Variants in R3HDM2 observed in about 807,000 individuals in gnomAD.
R3HDM2 encodes R3H domain-containing protein 2.
Under a neutral mutation model 124.5 loss-of-function variants are expected in R3HDM2, and 38 were observed. That is an observed-to-expected ratio of 0.31 (90% CI 0.24 to 0.40). The LOEUF (loss-of-function observed/expected upper bound fraction) is 0.40, where lower values mean the gene tolerates loss of function less well. Among genes scored for constraint, R3HDM2 ranks in the 10% least tolerant of loss-of-function variants. The pLI is 1.00. For missense variants in R3HDM2, 869 were observed against 1,236.9 expected, an observed-to-expected ratio of 0.70 and a Z score of 4.46; for synonymous variants, 391 against 448.0, an observed-to-expected ratio of 0.87 and a Z score of 1.61.
chr12:57,431,094 C>G (rs1869810452), upstream of R3HDM2: 2 of 152,286 alleles, frequency 1.3e-5, no homozygotes, highest in African/African-American at 4.8e-5. Flanking sequence ...GTCCCTGCTT[C>G]CTGGCTTCCC....
At chr12:57,282,294 C>T in intron 13 of R3HDM2, among the ~76,000 whole-genome samples, 1 of 118,918 alleles carries the variant, frequency 8.4e-6, no homozygotes, top group African/African-American at 3.0e-5. Context: ...AGCAAGACTC[C>T]ATCTCAAAAA....
At chr12:57,415,397 T>C (rs2139408732) in intron 1 of R3HDM2, 1 of 152,092 alleles carries the variant, frequency 6.6e-6, no homozygotes, top group Admixed American at 6.5e-5. Flanking sequence ...AAGCATTCTA[T>C]TAAAAAAGGA....
At position 57,299,477 on chromosome 12, in the gene R3HDM2, T is replaced by C. The variant is rs1566032418; in HGVS notation, c.296A>G (p.Asp99Gly). 4 of 1,546,058 alleles carry C rather than the reference T, an allele frequency of 2.6e-6. No homozygotes were observed. Among genetic ancestry groups the C allele is most frequent in the Non-Finnish European group, 3.5e-6 (4 of 1,142,176 alleles). ...PFADGPLETQDIIQLHISCPS... is the reference protein window; with the variant it reads ...PFADGPLETQGIIQLHISCPS... ...GCAACTGATGTGCAATTGAATTATATCCTTAAGGGGAAAAAGGATAATCAA... is the reference window on the plus strand; with the variant it reads ...GCAACTGATGTGCAATTGAATTATACCCTTAAGGGGAAAAAGGATAATCAA... Residue 99 changes from aspartate to glycine, a missense_variant and splice_region_variant, in exon 6 of 24, where the codon GAT becomes GGT. Asp to Gly is a moderately conservative substitution (Grantham distance 94). Around this residue, in one of 2 missense-constraint regions of R3HDM2, gnomAD observed 267 missense variants for 447.7 expected, o/e 0.60. Coordinates refer to ENST00000402412, the MANE Select transcript of R3HDM2 (RefSeq NM_001394031.1).
intron 19 of R3HDM2, 67 bp from the exon 20 acceptor site, chr12:57,259,126 G>A: frequency 3.3e-6 from 5 of 1,520,698 alleles, no homozygotes; most frequent in Non-Finnish European, 4.5e-6. Context: ...AACTAGCCCT[G>A]AGTGGGAAAG....
At chr12:57,418,124 C>A in intron 1 of R3HDM2, 5 of 980,960 alleles carry the variant, frequency 5.1e-6, no homozygotes, top group Non-Finnish European at 6.1e-6. Flanking sequence ...TTCCTCTAAT[C>A]CCAAACCTAC....
At chr12:57,280,009 A>G (rs1272288847) in intron 14 of R3HDM2, among the ~76,000 whole-genome samples, 11 of 152,206 alleles carry the variant, frequency 7.2e-5, no homozygotes, top group Admixed American at 5.9e-4. Context: ...TCAAGTTCCA[A>G]TATATAGATG....
At chr12:57,418,900 C>T (rs1439657383) in intron 1 of R3HDM2, among the ~76,000 whole-genome samples, 1 of 152,154 alleles carries the variant, frequency 6.6e-6, no homozygotes, top group African/African-American at 2.4e-5. Flanking sequence ...GCCTCCTAAC[C>T]AGTGTCACTC....
chr12:57,320,007 T>G (rs1018804539), intron 2 of R3HDM2, among the ~76,000 whole-genome samples: 5 of 152,024 alleles, frequency 3.3e-5, no homozygotes, highest in African/African-American at 4.8e-5. Flanking sequence ...GGCTCACGCC[T>G]GCAATCCCAC....
intron 2 of R3HDM2, among the ~76,000 whole-genome samples, chr12:57,324,763 T>A (rs1566158630): frequency 1.3e-5 from 2 of 152,148 alleles, no homozygotes; most frequent in Admixed American, 1.3e-4. Flanking sequence ...CCATGAGATA[T>A]AAGAAGTAGT....
chr12:57,337,182 T>C (rs1398448916), intron 2 of R3HDM2, among the ~76,000 whole-genome samples: 1 of 152,162 alleles, frequency 6.6e-6, no homozygotes, highest in African/African-American at 2.4e-5. Flanking sequence ...AGACAGGGTC[T>C]CGCTCTGTTG....
chr12:57,352,979 A>T (rs1446413912), intron 2 of R3HDM2, among the ~76,000 whole-genome samples: 1 of 151,844 alleles, frequency 6.6e-6, no homozygotes, highest in Non-Finnish European at 1.5e-5. Context: ...CACCACACAC[A>T]AATATAAATT....
intron 2 of R3HDM2, among the ~76,000 whole-genome samples, chr12:57,336,838 G>A (rs80219746): frequency 6.4e-5 from 9 of 140,742 alleles, no homozygotes; most frequent in Admixed American, 4.2e-4. Flanking sequence ...AAAAAAAAAA[G>A]AGGCTATGGA....
At chr12:57,272,610 CG>C in intron 14 of R3HDM2, 2 of 29,468 alleles carry the variant, frequency 6.8e-5, no homozygotes, top group Non-Finnish European at 1.1e-4. Context: ...AGGTGGGAAG[CG>C]GGGGGTGGGG....
At chr12:57,288,327 C>T (rs927912774) in intron 12 of R3HDM2, among the ~76,000 whole-genome samples, 8 of 151,878 alleles carry the variant, frequency 5.3e-5, no homozygotes, top group Non-Finnish European at 1.0e-4. Flanking sequence ...GGTCATCTTA[C>T]ACATTACATT....
chr12:57,405,094 C>T (rs977503669), intron 1 of R3HDM2, among the ~76,000 whole-genome samples: 3 of 151,992 alleles, frequency 2.0e-5, no homozygotes, highest in Non-Finnish European at 4.4e-5. Flanking sequence ...GTGACATGAT[C>T]ATAGCTCACT....
chr12:57,310,623 A>G (rs967496525), intron 2 of R3HDM2, among the ~76,000 whole-genome samples, 160 bp from the exon 3 acceptor site: 4 of 152,318 alleles, frequency 2.6e-5, no homozygotes, highest in Non-Finnish European at 5.9e-5. Flanking sequence ...TTCTTTAAAA[A>G]AAAAAAACTT....
chr12:57,395,711 A>T, intron 2 of R3HDM2, 38 bp downstream of exon 2: 2 of 887,416 alleles, frequency 2.3e-6, no homozygotes, highest in African/African-American at 3.6e-5. Context: ...TGTTGCCTGG[A>T]ACACAGAAAG....
intron 1 of R3HDM2, among the ~76,000 whole-genome samples, chr12:57,427,246 G>A (rs1163292039): frequency 1.3e-5 from 2 of 151,170 alleles, no homozygotes; most frequent in Non-Finnish European, 3.0e-5. Context: ...AGCTGACATC[G>A]TGCCACTGCA....
intron 2 of R3HDM2, among the ~76,000 whole-genome samples, chr12:57,344,166 C>T (rs569622391): frequency 3.2e-4 from 49 of 152,234 alleles, no homozygotes; most frequent in South Asian, 1.9e-3. Flanking sequence ...TATCTCCTAA[C>T]GTTAAGGTCA....
Sources: gnomAD v4.1 joint callset for allele counts (sites outside exome capture counted in the v4.1 genomes callset) on GRCh38, gnomAD v4.1.1 for gene constraint, gnomAD v4.1.1 regional missense constraint, MANE v1.5 for transcripts, NCBI Gene and HGNC (gene_info 2026-07-23, HGNC 2026-07-21) for gene names.